MMP24: variants seen among roughly 807,000 people sequenced by gnomAD.
MMP24 encodes the protein matrix metallopeptidase 24.
Under a neutral mutation model 62.8 loss-of-function variants are expected in MMP24, and 25 were observed. That is an observed-to-expected ratio of 0.40 (90% confidence interval 0.29 to 0.56). The LOEUF (loss-of-function observed/expected upper bound fraction) is 0.56, where lower values mean the gene tolerates loss of function less well. Ranked by LOEUF, MMP24 falls within the 20% of genes least tolerant of loss-of-function variation. MMP24 has a pLI of 0.50. For missense variants in MMP24, 634 were observed against 853.6 expected, an observed-to-expected ratio of 0.74 and a Z score of 3.21; for synonymous variants, 319 against 350.5, an observed-to-expected ratio of 0.91 and a Z score of 1.00.
At chr20:35,237,847 G>A (rs1376543617) in intron 1 of MMP24, among the ~76,000 whole-genome samples, 4 of 152,180 alleles carry the variant, frequency 2.6e-5, no homozygotes, top group Non-Finnish European at 4.4e-5. Flanking sequence ...TGTGGAGGAG[G>A]CTGTCTAAGA....
intron 1 of MMP24, among the ~76,000 whole-genome samples, chr20:35,233,771 T>G (rs140097500): frequency 4.5e-4 from 69 of 152,042 alleles, no homozygotes; most frequent in Middle Eastern, 6.8e-3. Context: ...ATCACTTGAG[T>G]CCGGGAGTTT....
At position 35,264,247 on chromosome 20, in the gene MMP24, G is replaced by C. The variant is rs907524107; in HGVS notation, c.979+295G>C. On this transcript the variant is annotated intron_variant, in intron 5 of 8. Transcript: ENST00000246186. The stretch of plus-strand genomic sequence containing the variant: ...CCCCTCCCCTTCCACACTCTTCCCC[G>C]TCCCTTCATGCTTCTCTCCCTCCCT... The C allele has an allele frequency of 2.7e-5, 6 of 222,862 alleles. No homozygotes were observed. In the Admixed American group the frequency reaches 3.5e-4, roughly 13 times the overall value. 13.8% of individuals were successfully genotyped at this position (222,862 alleles called of 1,614,324 possible).
intron 4 of MMP24, among the ~76,000 whole-genome samples, chr20:35,260,379 AG>A (rs1392127571): frequency 6.6e-6 from 1 of 152,256 alleles, no homozygotes; most frequent in African/African-American, 2.4e-5. Context: ...GCAAGAGACA[AG>A]GCTGCGGACA....
chr20:35,229,994 A>G (rs1288407302), intron 1 of MMP24, among the ~76,000 whole-genome samples: 1 of 151,512 alleles, frequency 6.6e-6, no homozygotes, highest in Non-Finnish European at 1.5e-5. Context: ...TATTTATTTT[A>G]TTTATTTATT....
chr20:35,270,537 C>A (rs1202029110), intron 7 of MMP24, among the ~76,000 whole-genome samples: 3 of 152,242 alleles, frequency 2.0e-5, no homozygotes, highest in Non-Finnish European at 4.4e-5. Flanking sequence ...AGAATGTGGT[C>A]TTGATCCATT....
chr20:35,266,606 G>A (rs2060636908), intron 5 of MMP24, among the ~76,000 whole-genome samples: 1 of 152,136 alleles, frequency 6.6e-6, no homozygotes, highest in Non-Finnish European at 1.5e-5. Flanking sequence ...AACCAAGAGA[G>A]TGTTTCCAGG....
chr20:35,227,381 AAGGGGG>A (rs1205245111), intron 1 of MMP24, among the ~76,000 whole-genome samples: 1 of 151,262 alleles, frequency 6.6e-6, no homozygotes, highest in Non-Finnish European at 1.5e-5. Context: ...CAAGCTGGAG[AAGGGGG>A]AGGGGGAGGG....
chr20:35,244,489 C>T (rs951126621), intron 1 of MMP24, among the ~76,000 whole-genome samples: 1 of 152,042 alleles, frequency 6.6e-6, no homozygotes, highest in Non-Finnish European at 1.5e-5. Flanking sequence ...TGCCCCAGCT[C>T]GAGTGTAATG....
chr20:35,251,331 G>T (rs2060545588), intron 2 of MMP24, among the ~76,000 whole-genome samples: 1 of 151,896 alleles, frequency 6.6e-6, no homozygotes, highest in Admixed American at 6.6e-5. Context: ...CACCGTGTTG[G>T]CCAGGCTGGT....
intron 6 of MMP24, among the ~76,000 whole-genome samples, chr20:35,268,291 CCTGCTGGCCACA>C (rs1194873876): frequency 6.6e-6 from 1 of 152,234 alleles, no homozygotes; most frequent in Non-Finnish European, 1.5e-5. Flanking sequence ...TTGAAAACTG[CCTGCTGGCCACA>C]CTGCTGGCCA....
rs190810178 is a variant in MMP24, at chr20:35,275,053, C to A, written c.*444C>A. On this transcript the variant is annotated 3_prime_UTR_variant, in exon 9 of 9. Coordinates refer to ENST00000246186, the MANE Select transcript of MMP24 (RefSeq NM_006690.4). ...CAGTCCTGGTCCCCTTTTGCCAACA[C>A]CTGCTGGTCAGATGTCCCCCTACCC... is the stretch of plus-strand genomic sequence containing the variant. 1.7e-5 allele frequency: 3 copies of A among 171,678 alleles called. No individual in the cohort carries two copies. In the East Asian group the frequency reaches 5.1e-4, roughly 29 times the overall value. 10.6% of individuals were successfully genotyped at this position (171,678 alleles called of 1,614,324 possible). A position where few individuals can be genotyped will look rare whatever the true frequency, so the allele number is the denominator to read the frequency against.
At chr20:35,249,611 C>T (rs671988) in intron 2 of MMP24, among the ~76,000 whole-genome samples, 20,870 of 149,456 alleles carry the variant, frequency 0.14, 1,486 homozygotes, top group South Asian at 0.17. Context: ...TTTTTTGAGA[C>T]GGAGTCTCGC....
At chr20:35,235,772 C>A (rs2146202007) in intron 1 of MMP24, among the ~76,000 whole-genome samples, 1 of 152,250 alleles carries the variant, frequency 6.6e-6, no homozygotes, top group Admixed American at 6.5e-5. Flanking sequence ...TCACTTTTCC[C>A]TTTTCTTAAC....
At position 35,269,077 on chromosome 20, in the gene MMP24, CTA is replaced by C. The variant is rs2060653326; in HGVS notation, c.1195-682_1195-681del. 6.6e-6 allele frequency among the ~76,000 whole-genome samples: 1 copy of C among 151,664 alleles called. No individual in the cohort carries two copies. The highest frequency in any genetic ancestry group is 6.6e-5 in the Admixed American group (1 of 15,244). On this transcript the variant is annotated intron_variant, in intron 6 of 8. Coordinates refer to ENST00000246186, the MANE Select transcript of MMP24 (RefSeq NM_006690.4). This position sits in a 1 kb window ranked among gnomAD's most constrained non-coding sequence, Gnocchi z 4.6. ...GAGGCCTGGAGGCTACAGGCCTTGC[CTA>C]GACTGCTTGTGTACCAGCCCAAGAC...
At chr20:35,260,992 C>T (rs1184834498) in intron 4 of MMP24, among the ~76,000 whole-genome samples, 1 of 152,158 alleles carries the variant, frequency 6.6e-6, no homozygotes, top group Admixed American at 6.5e-5. Flanking sequence ...TTACAGGTGG[C>T]AGGAATGGGC....
chr20:35,227,449 G>A (rs917271580), intron 1 of MMP24, among the ~76,000 whole-genome samples: 2 of 152,000 alleles, frequency 1.3e-5, no homozygotes, highest in African/African-American at 4.8e-5. Context: ...GTCAGGTGGA[G>A]GTAGGATAGA....
chr20:35,228,160 G>A (rs2060423137), intron 1 of MMP24, among the ~76,000 whole-genome samples: 1 of 152,196 alleles, frequency 6.6e-6, no homozygotes, highest in Non-Finnish European at 1.5e-5. Flanking sequence ...AATTGGGCAT[G>A]GAGCTCAGGG....
Position 35,274,330 on chromosome 20 carries a change from CGT to C in MMP24, c.1661_1662del (p.Val554GlyfsTer11). ...YWKFDNQKLS[V>X]EPGYPRNILR... ...GGAAGTTTGACAACCAGAAACTGAG[CGT>C]GGAGCCAGGCTACCCGCGCAACATC... On this transcript the variant is annotated frameshift_variant, in exon 9 of 9. Transcript: ENST00000246186. LOFTEE classifies it high-confidence loss of function. The surrounding 1 kb of genome is among the most constrained non-coding windows in gnomAD (Gnocchi z 5.1). 1 of 1,613,654 alleles carries C rather than the reference CGT, an allele frequency of 6.2e-7. No individual in the cohort carries two copies. Among genetic ancestry groups the C allele is most frequent in the South Asian group, 1.1e-5 (1 of 91,080 alleles).
intron 1 of MMP24, among the ~76,000 whole-genome samples, chr20:35,245,473 G>A (rs2060509718): frequency 6.7e-6 from 1 of 149,844 alleles, no homozygotes; most frequent in African/African-American, 2.5e-5. Context: ...TTTTAAGACA[G>A]AGTCTTGCTC....
Sources: gnomAD v4.1 joint callset for allele counts (sites outside exome capture counted in the v4.1 genomes callset) on GRCh38, gnomAD v4.1.1 for gene constraint, Gnocchi (gnomAD v3.1) non-coding constraint, MANE v1.5 for transcripts, NCBI Gene and HGNC (gene_info 2026-07-23, HGNC 2026-07-21) for gene names.